Variants in MMP24 observed in about 807,000 individuals in gnomAD.
The protein encoded by MMP24 is matrix metalloproteinase-24.
MMP24 carries 25 observed loss-of-function variants against 62.8 expected under a neutral mutation model. That is an observed-to-expected ratio of 0.40 (90% confidence interval 0.29 to 0.56). MMP24 has a LOEUF of 0.56. MMP24 is among the 20% of genes least tolerant of loss of function. The pLI is 0.50. For synonymous variants in MMP24, 319 were observed against 350.5 expected (o/e 0.91, Z 1.00); for missense variants, 634 against 853.6 (o/e 0.74, Z 3.21).
intron 4 of MMP24, chr20:35,262,797 C>T (rs2060610940): frequency 1.4e-5 from 2 of 139,550 alleles, no homozygotes; most frequent in Admixed American, 7.0e-5. Context: ...TGCGGCCTTC[C>T]GCAGTTTTTG....
chr20:35,246,382 C>T (rs1683249923), intron 1 of MMP24, among the ~76,000 whole-genome samples: 1 of 151,958 alleles, frequency 6.6e-6, no homozygotes, highest in Non-Finnish European at 1.5e-5. Context: ...GAGGCTGAGG[C>T]AGGAGAATCA....
In MMP24 at chr20:35,275,803, C is replaced by T. The variant is rs1367492449; in HGVS notation, c.*1194C>T. 2 of 390,986 alleles carry T rather than the reference C, an allele frequency of 5.1e-6. No individual in the cohort carries two copies. Among genetic ancestry groups the T allele is most frequent in the Non-Finnish European group, 9.0e-6 (2 of 221,848 alleles). 24.2% of individuals were successfully genotyped at this position (390,986 alleles called of 1,614,324 possible). A position where few individuals can be genotyped will look rare whatever the true frequency, so the allele number is the denominator to read the frequency against. On this transcript the variant is annotated 3_prime_UTR_variant, in exon 9 of 9. Transcript: ENST00000246186. ...GCTTGGCCCTTGCTGACCTCGCTCA[C>T]TGGGCCCATCTTCCCACACTGCTCT... is the stretch of plus-strand genomic sequence containing the variant.
intron 4 of MMP24, among the ~76,000 whole-genome samples, chr20:35,258,936 T>G (rs1031858916): frequency 1.3e-5 from 2 of 151,722 alleles, no homozygotes; most frequent in East Asian, 1.9e-4. Flanking sequence ...TCCCAGCACT[T>G]TGGGAGGCCG....
At chr20:35,244,166 T>C (rs2060501854) in intron 1 of MMP24, among the ~76,000 whole-genome samples, 1 of 152,212 alleles carries the variant, frequency 6.6e-6, no homozygotes, top group Non-Finnish European at 1.5e-5. Flanking sequence ...CCTGTTCATA[T>C]AGACACATGA....
At chr20:35,242,162 T>C (rs1427680841) in intron 1 of MMP24, among the ~76,000 whole-genome samples, 1 of 151,968 alleles carries the variant, frequency 6.6e-6, no homozygotes, top group Non-Finnish European at 1.5e-5. Flanking sequence ...TGAAACCCCG[T>C]CCCTACTAAA....
chr20:35,249,000 A>G (rs2060530596), intron 2 of MMP24, among the ~76,000 whole-genome samples: 1 of 152,206 alleles, frequency 6.6e-6, no homozygotes, highest in Admixed American at 6.5e-5. Context: ...GGCAGCGGGA[A>G]TGATCCGAGG....
In MMP24 at chr20:35,274,224, G is replaced by C. The variant is rs748183480; in HGVS notation, c.1601-48G>C. ...CTCCTTTTCACACTGCCCCAGAGCA[G>C]GTGCCGGAAGTGTCTGGGAGTGGTG... On this transcript the variant is annotated intron_variant, in intron 8 of 8. Transcript: ENST00000246186. This position sits in a 1 kb window ranked among gnomAD's most constrained non-coding sequence, Gnocchi z 5.1. 6.5e-7 allele frequency: 1 copy of C among 1,529,520 alleles called. No individual in the cohort carries two copies. Among genetic ancestry groups the C allele is most frequent in the Non-Finnish European group, 8.9e-7 (1 of 1,129,128 alleles). 94.7% of individuals were successfully genotyped at this position (1,529,520 alleles called of 1,614,324 possible). A position where few individuals can be genotyped will look rare whatever the true frequency, so the allele number is the denominator to read the frequency against.
At chr20:35,227,990 C>T (rs986673127) in intron 1 of MMP24, among the ~76,000 whole-genome samples, 2 of 152,096 alleles carry the variant, frequency 1.3e-5, no homozygotes, top group Admixed American at 6.6e-5. Flanking sequence ...CTAGTATCTT[C>T]CAACCTAGAG....
Position 35,274,330 on chromosome 20 carries a change from C to A in MMP24, c.1659C>A (p.Ser553Arg). 6.2e-7 allele frequency: 1 copy of A among 1,613,654 alleles called. No homozygotes were observed. Among genetic ancestry groups the A allele is most frequent in the South Asian group, 1.1e-5 (1 of 91,080 alleles). ...DYWKFDNQKL[S>R]VEPGYPRNIL... Reference sequence around the variant, plus strand: ...GGAAGTTTGACAACCAGAAACTGAGCGTGGAGCCAGGCTACCCGCGCAACA... The same window carrying A: ...GGAAGTTTGACAACCAGAAACTGAGAGTGGAGCCAGGCTACCCGCGCAACA... Residue 553 changes from serine (S) to arginine (R), a missense_variant, in exon 9 of 9, where the codon AGC becomes AGA. Ser to Arg is a moderately radical substitution (Grantham distance 110). This residue lies in a region of MMP24 where 399 missense variants were observed against 530.8 expected (regional missense o/e 0.75). Coordinates refer to ENST00000246186, the MANE Select transcript of MMP24 (RefSeq NM_006690.4). This position sits in a 1 kb window ranked among gnomAD's most constrained non-coding sequence, Gnocchi z 5.1.
Sources: gnomAD v4.1 joint callset for allele counts (sites outside exome capture counted in the v4.1 genomes callset) on GRCh38, gnomAD v4.1.1 for gene constraint, gnomAD v4.1.1 regional missense constraint, Gnocchi (gnomAD v3.1) non-coding constraint, MANE v1.5 for transcripts, NCBI Gene and HGNC (gene_info 2026-07-23, HGNC 2026-07-21) for gene names.